Variants in RDH11 observed in about 807,000 individuals in gnomAD.
RDH11 encodes retinol dehydrogenase 11, also known as HCV core-binding protein HCBP12.
RDH11 carries 19 observed loss-of-function variants against 33.4 expected under a neutral mutation model. The observed-to-expected ratio is 0.57, with a 90% CI of 0.40 to 0.83. The LOEUF (loss-of-function observed/expected upper bound fraction) is 0.83. RDH11 is among the 40% of genes least tolerant of loss of function. RDH11 has a pLI of 0.00. For synonymous variants in RDH11, 154 were observed against 155.3 expected, an observed-to-expected ratio of 0.99 and a Z score of 0.06; for missense variants, 353 against 389.0, an observed-to-expected ratio of 0.91 and a Z score of 0.78.
At chr14:67,694,232 C>T (rs986878328) in intron 1 of RDH11, among the ~76,000 whole-genome samples, 19 of 152,120 alleles carry the variant, frequency 1.2e-4, no homozygotes, top group Non-Finnish European at 2.2e-4. Flanking sequence ...CACAAACCAT[C>T]ACCTCCCTCC....
intron 1 of RDH11, 64 bp from the exon 2 acceptor site, chr14:67,693,116 C>T: frequency 9.3e-7 from 1 of 1,078,046 alleles, no homozygotes; most frequent in African/African-American, 1.6e-5. Flanking sequence ...TAGGTTCCTG[C>T]AACTCCCTGT....
chr14:67,684,204 C>T (rs2037648192), intron 6 of RDH11, among the ~76,000 whole-genome samples: 2 of 152,226 alleles, frequency 1.3e-5, no homozygotes, highest in South Asian at 4.1e-4. Flanking sequence ...ATAGGCCTCT[C>T]ATAATCTGTC....
intron 3 of RDH11, chr14:67,691,569 C>T (rs2037751224): frequency 4.5e-6 from 1 of 222,506 alleles, no homozygotes; most frequent in African/African-American, 2.3e-5. Context: ...TGGAAAGATT[C>T]CAAAGCAAGA....
At chr14:67,684,780 A>T (rs1241923007) in intron 6 of RDH11, 4 of 349,326 alleles carry the variant, frequency 1.1e-5, no homozygotes, top group Non-Finnish European at 2.0e-5. Flanking sequence ...CATAACAAAG[A>T]CAGGAAGAAA....
Position 67,685,007 on chromosome 14 carries a change from A to G in RDH11, c.854+8T>C, listed in dbSNP as rs144181561. 26 of 1,602,318 alleles carry G rather than the reference A, an allele frequency of 1.6e-5. No individual in the cohort carries two copies. Among genetic ancestry groups the G allele is most frequent in the South Asian group, 1.3e-4 (12 of 89,030 alleles). On this transcript the variant is annotated splice_region_variant and intron_variant, in intron 6 of 6. Transcript: ENST00000381346. ...AATCTCATCTGCAAAAAGAGATAAC[A>G]TTCATACCTGAAATGATTCCCACTT...
chr14:67,685,346 G>A, intron 5 of RDH11, 142 bp from the exon 6 acceptor site: 1 of 629,266 alleles, frequency 1.6e-6, no homozygotes, highest in Admixed American at 3.0e-5. Flanking sequence ...ACTGCTCACA[G>A]TAATTTATAC....
At chr14:67,687,521 GGGT>G (rs2037695210) in intron 5 of RDH11, among the ~76,000 whole-genome samples, 2 of 150,126 alleles carry the variant, frequency 1.3e-5, no homozygotes. Flanking sequence ...GCCCAGGCTG[GGGT>G]GCAATGGTAT....
At chr14:67,695,544 T>C (rs1389359347) in intron 1 of RDH11, 86 bp downstream of exon 1, 3 of 1,394,672 alleles carry the variant, frequency 2.2e-6, no homozygotes, top group Non-Finnish European at 3.0e-6. Context: ...AGGGGAGTTT[T>C]CCAAGAAAGC....
intron 5 of RDH11, among the ~76,000 whole-genome samples, chr14:67,688,416 G>C (rs991160982): frequency 6.6e-6 from 1 of 152,202 alleles, no homozygotes; most frequent in Non-Finnish European, 1.5e-5. Context: ...CCAAGATACT[G>C]TGTTGGAGTT....
chr14:67,684,165 C>G (rs1566826062), intron 6 of RDH11, among the ~76,000 whole-genome samples: 1 of 152,194 alleles, frequency 6.6e-6, no homozygotes. Flanking sequence ...ACTGAAACAA[C>G]TCTGGGGCTC....
chr14:67,690,992 C>A, intron 4 of RDH11, 148 bp downstream of exon 4: 1 of 644,056 alleles, frequency 1.6e-6, no homozygotes, highest in Non-Finnish European at 2.8e-6. Flanking sequence ...TATTCCTCAG[C>A]TATCAGGTAG....
At chr14:67,694,412 T>C (rs1415412341) in intron 1 of RDH11, among the ~76,000 whole-genome samples, 1 of 150,252 alleles carries the variant, frequency 6.7e-6, no homozygotes, top group Non-Finnish European at 1.5e-5. Flanking sequence ...CCCTGCTGAG[T>C]TGGGAATACA....
chr14:67,692,391 T>C (rs1280740659), intron 3 of RDH11, 47 bp downstream of exon 3: 2 of 1,598,686 alleles, frequency 1.3e-6, no homozygotes, highest in Non-Finnish European at 1.7e-6. Flanking sequence ...GAATCTGCCA[T>C]GTTGACCTCA....
intron 6 of RDH11, among the ~76,000 whole-genome samples, chr14:67,681,356 G>T (rs1317616726): frequency 6.6e-6 from 1 of 152,230 alleles, no homozygotes; most frequent in African/African-American, 2.4e-5. Context: ...TGCTATGGCA[G>T]CCTTAACAGA....
chr14:67,693,565 G>A (rs780884526), intron 1 of RDH11, among the ~76,000 whole-genome samples: 35 of 149,980 alleles, frequency 2.3e-4, no homozygotes, highest in Non-Finnish European at 3.9e-4. Context: ...TTAAAACAAA[G>A]AGAAGATTAT....
Position 67,692,560 on chromosome 14 carries a change from T to C in RDH11, c.227A>G (p.Glu76Gly), listed in dbSNP as rs1271673033. 1.9e-6 allele frequency: 3 copies of C among 1,606,680 alleles called. No individual in the cohort carries two copies. The highest frequency in any genetic ancestry group is 2.7e-5 in the African/African-American group (2 of 74,652). Residue 76 changes from glutamate to glycine, a missense_variant, in exon 3 of 7, where the codon GAA becomes GGA. By Grantham distance (98) the Glu-to-Gly change is moderately conservative. Coordinates refer to ENST00000381346, the MANE Select transcript of RDH11 (RefSeq NM_016026.4). ...ARVYLACRDV[E>G]KGELVAKEIQ... ...CTCTTTGGCCACCAATTCCCCCTTT[T>C]CCACATCCCGGCAAGCTAAATATAC...
At position 67,676,857 on chromosome 14, in the gene RDH11, AAAT is replaced by A. The variant is rs1186274165; in HGVS notation, c.*1461_*1463del. 1 of 152,242 alleles carries A rather than the reference AAAT, an allele frequency of 6.6e-6. No individual in the cohort carries two copies. Among genetic ancestry groups the A allele is most frequent in the Non-Finnish European group, 1.5e-5 (1 of 68,044 alleles). The allele number at this position is 152,242 out of a possible 1,614,324, so 9.4% of individuals were successfully genotyped here. A position where few individuals can be genotyped will look rare whatever the true frequency, so the allele number is the denominator to read the frequency against. ...TTTTATTCTGGTAAATGAAAACAAA[AAAT>A]AATCAAAAAGAATTTTTATTTGTCA... On this transcript the variant is annotated 3_prime_UTR_variant, in exon 7 of 7. Coordinates refer to ENST00000381346, the MANE Select transcript of RDH11 (RefSeq NM_016026.4).
At chr14:67,678,838 TA>T (rs68115588) in intron 6 of RDH11, among the ~76,000 whole-genome samples, 145 of 145,098 alleles carry the variant, frequency 1.0e-3, no homozygotes, top group Non-Finnish European at 9.1e-4. Context: ...CCTGGAGTAG[TA>T]AAAAAAAAAA....
chr14:67,694,968 G>A (rs1288737859), intron 1 of RDH11, among the ~76,000 whole-genome samples: 1 of 152,090 alleles, frequency 6.6e-6, no homozygotes, highest in African/African-American at 2.4e-5. Context: ...GGCCAGCCTT[G>A]GGCTGATTGA....
Sources: gnomAD v4.1 joint callset for allele counts (sites outside exome capture counted in the v4.1 genomes callset) on GRCh38, gnomAD v4.1.1 for gene constraint, MANE v1.5 for transcripts, NCBI Gene and HGNC (gene_info 2026-07-23, HGNC 2026-07-21) for gene names.